Variants in GADL1 observed in about 807,000 individuals in gnomAD.
GADL1 encodes GAD like acidic amino acid decarboxylase 1, also known as acidic amino acid decarboxylase GADL1.
A neutral mutation model predicts 69.5 loss-of-function variants in GADL1; 71 were observed. That is an observed-to-expected ratio of 1.02 (90% CI 0.84 to 1.25). GADL1 has a LOEUF of 1.25. GADL1 is among the 50% of genes most tolerant of loss of function. The pLI is 0.00. For synonymous variants in GADL1, 254 were observed against 214.4 expected (o/e 1.18, Z -1.62); for missense variants, 737 against 631.8 (o/e 1.17, Z -1.79).
At chr3:30,873,813 G>A (rs550927938) in intron 1 of GADL1, among the ~76,000 whole-genome samples, 1 of 151,990 alleles carries the variant, frequency 6.6e-6, no homozygotes, top group Admixed American at 6.6e-5. Flanking sequence ...GGGCTTTGGT[G>A]AATCATTTTC....
At chr3:30,731,050 A>G (rs1255698957) in intron 14 of GADL1, among the ~76,000 whole-genome samples, 3 of 152,218 alleles carry the variant, frequency 2.0e-5, no homozygotes, top group Non-Finnish European at 4.4e-5. Context: ...GGCTTTCTGA[A>G]TGCAAACTGT....
intron 14 of GADL1, among the ~76,000 whole-genome samples, chr3:30,762,949 G>GT (rs1183764194): frequency 7.9e-5 from 12 of 152,278 alleles, no homozygotes; most frequent in African/African-American, 2.9e-4. Context: ...ATTCCATTGT[G>GT]TATATGTACC....
intron 1 of GADL1, among the ~76,000 whole-genome samples, chr3:30,874,842 T>C (rs2125542506): frequency 6.6e-6 from 1 of 151,956 alleles, no homozygotes; most frequent in Admixed American, 6.6e-5. Context: ...GCTTGAAGGG[T>C]ATATCAGCTG....
chr3:30,844,964 AACC>A (rs1429515300), intron 6 of GADL1, among the ~76,000 whole-genome samples: 52 of 152,122 alleles, frequency 3.4e-4, no homozygotes, highest in African/African-American at 1.2e-3. Flanking sequence ...GCTGACTTGA[AACC>A]CTCTAAGGAG....
chr3:30,773,057 A>G (rs770631632), intron 14 of GADL1, among the ~76,000 whole-genome samples: 4 of 152,180 alleles, frequency 2.6e-5, no homozygotes, highest in Non-Finnish European at 5.9e-5. Flanking sequence ...TGGACACAAT[A>G]CCTGGGAACA....
At chr3:30,746,613 G>T (rs1227061813) in intron 14 of GADL1, among the ~76,000 whole-genome samples, 1 of 152,136 alleles carries the variant, frequency 6.6e-6, no homozygotes, top group East Asian at 1.9e-4. Context: ...GCCAACAATT[G>T]TTAGGAGGAG....
chr3:30,828,353 G>C (rs1279011554), intron 11 of GADL1, among the ~76,000 whole-genome samples: 1 of 151,558 alleles, frequency 6.6e-6, no homozygotes, highest in Non-Finnish European at 1.5e-5. Context: ...ACCACACTGG[G>C]AAATGACATT....
rs10553550 is a variant in GADL1 at position 30,800,854 on chromosome 3, AAGAGAGAGAG to A, written c.1250+25_1250+34del. On this transcript the variant is annotated intron_variant, in intron 12 of 14. Transcript: ENST00000282538. ...ACACACACACACACACACACACAGA[AAGAGAGAGAG>A]AGAGAGAGAGAGAGAGGCTAGTACC... is the stretch of plus-strand genomic sequence containing the variant. 2,175 of 1,185,904 alleles carry A rather than the reference AAGAGAGAGAG, an allele frequency of 1.8e-3. 12 individuals are homozygous for A. The highest frequency in any genetic ancestry group is 2.3e-3 in the Non-Finnish European group (1,939 of 828,154). The allele number at this position is 1,185,904 out of a possible 1,614,324, so 73.5% of individuals were successfully genotyped here.
chr3:30,866,042 C>G (rs1297355799), intron 1 of GADL1, among the ~76,000 whole-genome samples: 1 of 152,052 alleles, frequency 6.6e-6, no homozygotes, highest in Non-Finnish European at 1.5e-5. Flanking sequence ...TGAGAGATAG[C>G]CTCTTCCTCT....
rs777908889 is a variant in GADL1, at chr3:30,827,427, G to A, written c.1050+6426C>T. Among the ~76,000 whole-genome samples the A allele has an allele frequency of 1.4e-4, 22 of 151,862 alleles. 1 individual carries two copies. Among genetic ancestry groups the A allele is most frequent in the African/African-American group, 2.4e-5 (1 of 41,400 alleles). ...CTTGGGGCCACAGTCAGCAATAGAA[G>A]CAATATACTGAGCTGTATGGGGCAT... is the stretch of plus-strand genomic sequence containing the variant. On this transcript the variant is annotated intron_variant, in intron 11 of 14. Transcript: ENST00000282538.
chr3:30,859,465 A>G (rs529390124), intron 2 of GADL1, among the ~76,000 whole-genome samples: 1 of 152,044 alleles, frequency 6.6e-6, no homozygotes, highest in East Asian at 1.9e-4. Context: ...TAGAAAAGGC[A>G]AGTATCATAG....
intron 14 of GADL1, among the ~76,000 whole-genome samples, chr3:30,734,471 A>C (rs812124): frequency 0.32 from 48,392 of 152,046 alleles, 9,403 homozygotes; most frequent in Admixed American, 0.43. Context: ...CTTTGGATTC[A>C]GCTAAATATA....
intron 1 of GADL1, among the ~76,000 whole-genome samples, chr3:30,894,084 C>T (rs751537674): frequency 2.0e-5 from 3 of 152,202 alleles, no homozygotes; most frequent in Non-Finnish European, 4.4e-5. Context: ...CAACTAAGGT[C>T]CCCGTTCTCA....
At chr3:30,739,430 T>C (rs1032224118) in intron 14 of GADL1, among the ~76,000 whole-genome samples, 7 of 152,180 alleles carry the variant, frequency 4.6e-5, no homozygotes, top group African/African-American at 1.7e-4. Context: ...TATAGGTTTT[T>C]TCCACTGATT....
chr3:30,844,961 T>A (rs1698030575), intron 6 of GADL1, among the ~76,000 whole-genome samples: 3 of 152,040 alleles, frequency 2.0e-5, no homozygotes, highest in Admixed American at 6.5e-5. Context: ...ACTGCTGACT[T>A]GAAACCCTCT....
chr3:30,838,653 A>G (rs1697912068), intron 9 of GADL1, among the ~76,000 whole-genome samples: 1 of 152,148 alleles, frequency 6.6e-6, no homozygotes, highest in Non-Finnish European at 1.5e-5. Context: ...CGCAATGAAG[A>G]AGAGGCAGAT....
intron 12 of GADL1, among the ~76,000 whole-genome samples, chr3:30,787,639 C>T (rs1416247809): frequency 6.6e-6 from 1 of 152,090 alleles, no homozygotes; most frequent in Non-Finnish European, 1.5e-5. Flanking sequence ...AAACTAGATT[C>T]CAGTAATAGT....
chr3:30,825,229 C>T (rs1055332423), intron 11 of GADL1, among the ~76,000 whole-genome samples: 3 of 151,878 alleles, frequency 2.0e-5, no homozygotes, highest in African/African-American at 7.2e-5. Flanking sequence ...GGGATCCCTA[C>T]TTAAAAAATA....
chr3:30,885,161 A>T (rs1022083323), intron 1 of GADL1, among the ~76,000 whole-genome samples: 1 of 151,666 alleles, frequency 6.6e-6, no homozygotes, highest in African/African-American at 2.4e-5. Context: ...CAAATTTCTA[A>T]CTCCTCATTA....
Sources: gnomAD v4.1 joint callset for allele counts (sites outside exome capture counted in the v4.1 genomes callset) on GRCh38, gnomAD v4.1.1 for gene constraint, MANE v1.5 for transcripts, NCBI Gene and HGNC (gene_info 2026-07-23, HGNC 2026-07-21) for gene names.